ZFAT: variants seen among roughly 807,000 people sequenced by gnomAD.
ZFAT encodes the protein zinc finger protein ZFAT.
ZFAT carries 64 observed loss-of-function variants against 117.7 expected under a neutral mutation model. That is an observed-to-expected ratio of 0.54 (90% CI 0.44 to 0.67). The LOEUF (loss-of-function observed/expected upper bound fraction) is 0.67, where lower values mean the gene tolerates loss of function less well. Ranked by LOEUF, ZFAT falls within the 30% of genes least tolerant of loss-of-function variation. The pLI is 0.00. For missense variants in ZFAT, 1,433 were observed against 1,584.5 expected (o/e 0.90, Z 1.62); for synonymous variants, 679 against 615.0 (o/e 1.10, Z -1.54).
intron 12 of ZFAT, among the ~76,000 whole-genome samples, chr8:134,521,235 A>ACTTTTTTTATTTGTT (rs1820632172): frequency 6.6e-6 from 1 of 152,244 alleles, no homozygotes; most frequent in Non-Finnish European, 1.5e-5. Context: ...AAGCTTTTGT[A>ACTTTTTTTATTTGTT]GACAGCCCAA....
At chr8:134,646,176 T>C (rs1032465306) in intron 2 of ZFAT, among the ~76,000 whole-genome samples, 3 of 152,088 alleles carry the variant, frequency 2.0e-5, no homozygotes, top group Non-Finnish European at 4.4e-5. Context: ...GCCACTGCAC[T>C]CCAGCCTGGG....
chr8:134,554,459 T>C (rs1823413593), intron 11 of ZFAT, among the ~76,000 whole-genome samples: 2 of 152,208 alleles, frequency 1.3e-5, no homozygotes, highest in South Asian at 4.1e-4. Flanking sequence ...TGTCCTACTT[T>C]TATCTCCAGC....
At chr8:134,616,916 C>A (rs145807586) in intron 3 of ZFAT, among the ~76,000 whole-genome samples, 23 of 152,256 alleles carry the variant, frequency 1.5e-4, no homozygotes, top group African/African-American at 5.5e-4. Context: ...AAATAAGGAC[C>A]TCAAAAGATG....
At chr8:134,716,073 G>A (rs556275090), upstream of ZFAT, among the ~76,000 whole-genome samples, 4 of 151,836 alleles carry the variant, frequency 2.6e-5, no homozygotes, top group Non-Finnish European at 5.9e-5. Flanking sequence ...GCTGCAATAA[G>A]CTGTGATCAT....
the ZFAT span, chr8:134,722,926 T>A: frequency 6.6e-6 from 1 of 152,202 alleles, no homozygotes; most frequent in Non-Finnish European, 1.5e-5. Flanking sequence ...CAGGGTCATA[T>A]TCCAAAAGTG....
At chr8:134,766,192 G>A in the ZFAT span, 3 of 152,068 alleles carry the variant, frequency 2.0e-5, no homozygotes, top group Admixed American at 2.0e-4. Context: ...AAAAGAGTTG[G>A]GAAAAATCCT....
chr8:134,510,478 G>C (rs537425283), intron 14 of ZFAT, among the ~76,000 whole-genome samples: 1 of 152,268 alleles, frequency 6.6e-6, no homozygotes, highest in Admixed American at 6.5e-5. Context: ...GCAGCTTTCT[G>C]TGGGCCGTGT....
At chr8:134,623,425 G>A (rs1829273580) in intron 3 of ZFAT, among the ~76,000 whole-genome samples, 2 of 152,166 alleles carry the variant, frequency 1.3e-5, no homozygotes, top group Admixed American at 6.5e-5. Flanking sequence ...ACGTGGGGCG[G>A]CATGCCCTCT....
the ZFAT span, among the ~76,000 whole-genome samples, chr8:134,744,994 G>T: frequency 3.3e-5 from 5 of 150,372 alleles, no homozygotes; most frequent in African/African-American, 1.2e-4. Flanking sequence ...CTCCCAAAGT[G>T]CTGGAATTAC....
At position 134,587,646 on chromosome 8, in the gene ZFAT, G is replaced by A. The variant is rs78399741; in HGVS notation, c.2713+600C>T. 3.9e-4 allele frequency among the ~76,000 whole-genome samples: 60 copies of A among 152,278 alleles called. No individual in the cohort carries two copies. In the East Asian group the frequency reaches 9.1e-3, roughly 23 times the overall value. On this transcript the variant is annotated intron_variant, in intron 9 of 15. Transcript: ENST00000377838. Reference sequence around the variant, plus strand: ...GGGGAGAAAACAAAGTTGACGGTCTGTTGCCCTAGTAGAATCTTCACTTCC... The same window carrying A: ...GGGGAGAAAACAAAGTTGACGGTCTATTGCCCTAGTAGAATCTTCACTTCC...
chr8:134,804,390 G>T, the ZFAT span, among the ~76,000 whole-genome samples: 1 of 152,194 alleles, frequency 6.6e-6, no homozygotes, highest in South Asian at 2.1e-4. Flanking sequence ...AGGGGAACAG[G>T]AAGTGGGGGG....
Position 134,608,898 on chromosome 8 carries a change from G to A in ZFAT, c.635-19C>T. On this transcript the variant is annotated intron_variant, in intron 4 of 15. Coordinates refer to ENST00000377838, the MANE Select transcript of ZFAT (RefSeq NM_020863.4). ...GTAGCACCTGAGATTGATGCAAAAG[G>A]CATTGCTTATTGAGAGGCATCGAAA... 6.3e-7 allele frequency: 1 copy of A among 1,594,174 alleles called. No homozygotes were observed. The highest frequency in any genetic ancestry group is 1.4e-5 in the African/African-American group (1 of 73,628).
At chr8:134,622,456 T>G (rs904910248) in intron 3 of ZFAT, among the ~76,000 whole-genome samples, 2 of 152,158 alleles carry the variant, frequency 1.3e-5, no homozygotes, top group African/African-American at 4.8e-5. Flanking sequence ...CTGAAGCCCT[T>G]TCTATGACGA....
At chr8:134,572,331 G>T (rs1479191304) in intron 10 of ZFAT, among the ~76,000 whole-genome samples, 4 of 152,214 alleles carry the variant, frequency 2.6e-5, no homozygotes, top group African/African-American at 9.6e-5. Context: ...TATGAACATT[G>T]TTTTCGTGCT....
intron 1 of ZFAT, among the ~76,000 whole-genome samples, chr8:134,661,718 C>G (rs1269740539): frequency 2.6e-5 from 4 of 152,154 alleles, no homozygotes; most frequent in Non-Finnish European, 5.9e-5. Context: ...GCCAAGCAGG[C>G]ATGACACCAT....
chr8:134,670,282 A>G (rs1432645459), intron 1 of ZFAT, among the ~76,000 whole-genome samples: 1 of 152,250 alleles, frequency 6.6e-6, no homozygotes, highest in Non-Finnish European at 1.5e-5. Flanking sequence ...TCTCCACCCC[A>G]AATCAACAGA....
chr8:134,495,020 C>T (rs960994310), intron 15 of ZFAT, among the ~76,000 whole-genome samples: 6 of 152,180 alleles, frequency 3.9e-5, no homozygotes, highest in Non-Finnish European at 7.3e-5. Context: ...CTTAATTCGA[C>T]TCTCTTTTGG....
the ZFAT span, among the ~76,000 whole-genome samples, chr8:134,778,912 G>C: frequency 6.6e-6 from 1 of 152,210 alleles, no homozygotes; most frequent in African/African-American, 2.4e-5. Flanking sequence ...GGATAACAAC[G>C]AAGGTGGGCT....
chr8:134,588,537 A>C (rs1185135898), intron 8 of ZFAT, 142 bp from the exon 9 acceptor site: 2 of 903,032 alleles, frequency 2.2e-6, no homozygotes, highest in African/African-American at 1.7e-5. Flanking sequence ...TCACCTAAAA[A>C]GTAAAACCAG....
Sources: allele counts gnomAD v4.1 joint callset (sites outside exome capture counted in the v4.1 genomes callset), GRCh38; gene constraint gnomAD v4.1.1; transcripts MANE v1.5; gene names NCBI Gene and HGNC (gene_info 2026-07-23, HGNC 2026-07-21).